The following MCTP1 variants were observed in gnomAD, a reference collection of about 807,000 sequenced individuals.
MCTP1 encodes multiple C2 and transmembrane domain containing 1, also known as multiple C2 and transmembrane domain-containing protein 1.
MCTP1 carries 69 observed loss-of-function variants against 120.6 expected under a neutral mutation model. The ratio of observed to expected loss-of-function variants is 0.57; its 90% CI spans 0.47 to 0.70. The LOEUF is 0.70. MCTP1 is among the 30% of genes least tolerant of loss of function. The pLI, the probability that MCTP1 is intolerant of heterozygous loss-of-function variation, is 0.00. For missense variants in MCTP1, 1,203 were observed against 1,248.8 expected (o/e 0.96, Z 0.55); for synonymous variants, 529 against 493.1 (o/e 1.07, Z -0.96).
At chr5:95,003,736 A>G (rs1244409870) in intron 2 of MCTP1, among the ~76,000 whole-genome samples, 2 of 152,232 alleles carry the variant, frequency 1.3e-5, no homozygotes, top group African/African-American at 4.8e-5. Flanking sequence ...AGAAGCATGT[A>G]TAGGCTGCAG....
At chr5:94,909,661 GTAA>G (rs1293768170) in intron 9 of MCTP1, among the ~76,000 whole-genome samples, 1 of 151,902 alleles carries the variant, frequency 6.6e-6, no homozygotes, top group Non-Finnish European at 1.5e-5. Context: ...TATAGAAGAG[GTAA>G]TAATCTATGA....
intron 1 of MCTP1, among the ~76,000 whole-genome samples, chr5:95,256,496 G>A (rs749722351): frequency 2.6e-5 from 4 of 152,160 alleles, no homozygotes; most frequent in Non-Finnish European, 5.9e-5. Flanking sequence ...GGGTGACCCT[G>A]ACAGCTGGAC....
At chr5:95,011,458 A>C (rs951561660) in intron 2 of MCTP1, among the ~76,000 whole-genome samples, 1 of 152,084 alleles carries the variant, frequency 6.6e-6, no homozygotes, top group African/African-American at 2.4e-5. Flanking sequence ...TCCCTACCCA[A>C]ATCTCATGTT....
intron 1 of MCTP1, among the ~76,000 whole-genome samples, chr5:95,182,838 AT>A (rs1228944307): frequency 1.3e-5 from 2 of 152,090 alleles, no homozygotes; most frequent in Non-Finnish European, 2.9e-5. Context: ...CCTGGCTAAC[AT>A]GGTAAAATCC....
intron 6 of MCTP1, chr5:94,931,173 C>G (rs756399010): frequency 1.3e-5 from 2 of 151,814 alleles, no homozygotes; most frequent in Non-Finnish European, 2.9e-5. Context: ...AAGCATGATT[C>G]AATCAGAATG....
intron 17 of MCTP1, among the ~76,000 whole-genome samples, chr5:94,824,369 C>T (rs551110109): frequency 1.3e-5 from 2 of 152,284 alleles, no homozygotes; most frequent in East Asian, 3.9e-4. Flanking sequence ...TATGTTGAAC[C>T]AGCCTTGCAT....
Position 95,057,826 on chromosome 5 carries a change from G to A in MCTP1, c.721-40342C>T, listed in dbSNP as rs552625654. Among the ~76,000 whole-genome samples the A allele has an allele frequency of 3.9e-5, 6 of 152,230 alleles. No individual in the cohort carries two copies. The South Asian group carries it at 6.2e-4, about 16-fold the overall frequency. On this transcript the variant is annotated intron_variant, in intron 1 of 22. Coordinates refer to ENST00000515393, the MANE Select transcript of MCTP1 (RefSeq NM_024717.7). ...AACCTCAGTGGATCACCAATGATCCGCAAAATGTCAAACCGGAAGAATGGG... is the reference window on the plus strand; with the variant it reads ...AACCTCAGTGGATCACCAATGATCCACAAAATGTCAAACCGGAAGAATGGG...
rs140061514 is a variant in MCTP1 at position 94,933,682 on chromosome 5, A to T, written c.1174-1691T>A. Among the ~76,000 whole-genome samples the T allele has an allele frequency of 1.7e-3, 260 of 151,994 alleles. 1 individual carries two copies. Among genetic ancestry groups the T allele is most frequent in the African/African-American group, 6.0e-3 (251 of 41,544 alleles). On this transcript the variant is annotated intron_variant, in intron 5 of 22. Transcript: ENST00000515393. ...TAAGAATTTTATAATATAAAATTCCATTATATAAGAAATGTTATGCTATGT... is the reference window on the plus strand; with the variant it reads ...TAAGAATTTTATAATATAAAATTCCTTTATATAAGAAATGTTATGCTATGT...
At chr5:95,117,011 C>T (rs944276783) in intron 1 of MCTP1, among the ~76,000 whole-genome samples, 1 of 152,038 alleles carries the variant, frequency 6.6e-6, no homozygotes, top group African/African-American at 2.4e-5. Flanking sequence ...GTCTAATATT[C>T]AGATTCTATA....
In MCTP1 at chr5:94,954,183, CATATATAT is replaced by C. The variant is rs67189314; in HGVS notation, c.839-830_839-823del. Among the ~76,000 whole-genome samples the C allele has an allele frequency of 6.9e-5, 4 of 57,768 alleles. No homozygotes were observed. The East Asian group carries it at 1.3e-3, about 19-fold the overall frequency. The allele number at this position is 57,768 out of a possible 152,430, so 37.9% of individuals were successfully genotyped here. A position where few individuals can be genotyped will look rare whatever the true frequency, so the allele number is the denominator to read the frequency against. On this transcript the variant is annotated intron_variant, in intron 2 of 22. Transcript: ENST00000515393. Reference sequence around the variant, plus strand: ...GCATATATATACATATATATATATGCATATATATATATATATATATATGCCATGGAATA... The same window carrying C: ...GCATATATATACATATATATATATGCATATATATATATATGCCATGGAATA...
At chr5:94,973,156 A>G (rs1561950828) in intron 2 of MCTP1, among the ~76,000 whole-genome samples, 1 of 152,232 alleles carries the variant, frequency 6.6e-6, no homozygotes, top group Non-Finnish European at 1.5e-5. Context: ...CAGAAAGATT[A>G]GGCTGCTTGA....
At chr5:94,901,897 C>T (rs565293239) in intron 10 of MCTP1, among the ~76,000 whole-genome samples, 6 of 152,036 alleles carry the variant, frequency 3.9e-5, no homozygotes, top group South Asian at 2.1e-4. Context: ...TATTTTTTAA[C>T]GTAAAAATAA....
intron 1 of MCTP1, chr5:95,068,940 G>T: frequency 7.7e-5 from 26 of 335,612 alleles, no homozygotes; most frequent in Middle Eastern, 7.6e-4. Context: ...TCCAGGGGAA[G>T]ATTGTGAGCA....
intron 1 of MCTP1, among the ~76,000 whole-genome samples, chr5:95,244,746 C>T (rs1582643123): frequency 1.3e-5 from 2 of 152,334 alleles, no homozygotes; most frequent in East Asian, 1.9e-4. Context: ...ATAGATTCCA[C>T]CTCTGGGGGC....
chr5:94,780,383 T>C (rs918833026), intron 18 of MCTP1, among the ~76,000 whole-genome samples: 19 of 152,028 alleles, frequency 1.2e-4, no homozygotes, highest in African/African-American at 3.9e-4. Flanking sequence ...CCGTTATTCC[T>C]AATAATTTTT....
At chr5:95,158,853 A>T (rs1745412304) in intron 1 of MCTP1, among the ~76,000 whole-genome samples, 1 of 152,056 alleles carries the variant, frequency 6.6e-6, no homozygotes, top group Admixed American at 6.6e-5. Context: ...GCCGGGAGGC[A>T]GAGGTTGCAG....
intron 19 of MCTP1, among the ~76,000 whole-genome samples, chr5:94,766,607 G>T (rs1772792303): frequency 6.6e-6 from 1 of 151,846 alleles, no homozygotes; most frequent in Admixed American, 6.6e-5. Context: ...CACCAACATG[G>T]CACATGTATG....
chr5:94,894,115 G>T (rs1314881699), intron 11 of MCTP1, among the ~76,000 whole-genome samples: 1 of 152,030 alleles, frequency 6.6e-6, no homozygotes, highest in Non-Finnish European at 1.5e-5. Context: ...TTCCACATTC[G>T]ATCAAAAAGC....
At chr5:95,209,941 T>C (rs966669766) in intron 1 of MCTP1, among the ~76,000 whole-genome samples, 28 of 152,212 alleles carry the variant, frequency 1.8e-4, no homozygotes, top group African/African-American at 6.3e-4. Flanking sequence ...CCAGCAGTCA[T>C]TGAGGATCAG....
Sources: gnomAD v4.1 joint callset for allele counts (sites outside exome capture counted in the v4.1 genomes callset) on GRCh38, gnomAD v4.1.1 for gene constraint, MANE v1.5 for transcripts, NCBI Gene and HGNC (gene_info 2026-07-23, HGNC 2026-07-21) for gene names.